Variants in TUBA8 observed in about 807,000 individuals in gnomAD.
TUBA8 encodes the protein tubulin alpha 8, also known as tubulin alpha-8 chain.
Under a neutral mutation model 34.7 loss-of-function variants are expected in TUBA8, and 29 were observed. The ratio of observed to expected loss-of-function variants is 0.84; its 90% CI spans 0.62 to 1.14. TUBA8 has a LOEUF of 1.14. Ranked by LOEUF, TUBA8 falls within the 50% of genes most tolerant of loss-of-function variation. The pLI, the probability that TUBA8 is intolerant of heterozygous loss-of-function variation, is 0.00. For missense variants in TUBA8, 541 were observed against 599.2 expected, an observed-to-expected ratio of 0.90 and a Z score of 1.01; for synonymous variants, 226 against 231.2, an observed-to-expected ratio of 0.98 and a Z score of 0.21.
In TUBA8 at chr22:18,111,128, G is replaced by A; in HGVS notation, c.3+260G>A. The A allele has an allele frequency of 1.7e-6, 1 of 590,092 alleles. No homozygotes were observed. Among genetic ancestry groups the A allele is most frequent in the Non-Finnish European group, 3.0e-6 (1 of 336,252 alleles). The allele number at this position is 590,092 out of a possible 1,614,324, so 36.6% of individuals were successfully genotyped here. A position where few individuals can be genotyped will look rare whatever the true frequency, so the allele number is the denominator to read the frequency against. On this transcript the variant is annotated intron_variant, in intron 1 of 4. Coordinates refer to ENST00000330423, the MANE Select transcript of TUBA8 (RefSeq NM_018943.3). This position sits in a 1 kb window ranked among gnomAD's most constrained non-coding sequence, Gnocchi z 5.1. ...GAGCTTTGCGTGCAGACGAGGGGGAGGGAGGCCCTGGGGAGCCCGACGGAG... is the reference window on the plus strand; with the variant it reads ...GAGCTTTGCGTGCAGACGAGGGGGAAGGAGGCCCTGGGGAGCCCGACGGAG...
In TUBA8 at chr22:18,121,367, C is replaced by T. The variant is rs2234323; in HGVS notation, c.4-112C>T. On this transcript the variant is annotated intron_variant, in intron 1 of 4. Coordinates refer to ENST00000330423, the MANE Select transcript of TUBA8 (RefSeq NM_018943.3). The surrounding 1 kb of genome is among the most constrained non-coding windows in gnomAD (Gnocchi z 4.8). Reference sequence around the variant, plus strand: ...CACCTGCAGCCTCAACGCCAACTGGCAATGGGGGGCTGGGGCCTGGCTGGC... The same window carrying T: ...CACCTGCAGCCTCAACGCCAACTGGTAATGGGGGGCTGGGGCCTGGCTGGC... 0.013 allele frequency: 12,157 copies of T among 928,756 alleles called. 106 individuals are homozygous for T. Among genetic ancestry groups the T allele is most frequent in the Non-Finnish European group, 0.017 (9,813 of 567,948 alleles). 57.5% of individuals were successfully genotyped at this position (928,756 alleles called of 1,614,324 possible). A position where few individuals can be genotyped will look rare whatever the true frequency, so the allele number is the denominator to read the frequency against.
In TUBA8 at chr22:18,121,692, A is replaced by G. The variant is rs1928155354; in HGVS notation, c.217A>G (p.Thr73Ala). The G allele has an allele frequency of 6.2e-7, 1 of 1,613,970 alleles. No individual in the cohort carries two copies. Among genetic ancestry groups the G allele is most frequent in the African/African-American group, 1.3e-5 (1 of 74,918 alleles). ...PRAVMIDLEP[T>A]VVDEVRAGTY... Reference sequence around the variant, plus strand: ...GGCCGTCATGATAGATCTGGAGCCTACTGTAGTGGGTGAGTGGGGGCGGAG... The same window carrying G: ...GGCCGTCATGATAGATCTGGAGCCTGCTGTAGTGGGTGAGTGGGGGCGGAG... Residue 73 changes from threonine (T) to alanine (A), a missense_variant, in exon 2 of 5, where the codon ACT (threonine) becomes GCT (alanine). Coordinates refer to ENST00000330423, the MANE Select transcript of TUBA8 (RefSeq NM_018943.3). The surrounding 1 kb of genome is among the most constrained non-coding windows in gnomAD (Gnocchi z 4.8).
intron 4 of TUBA8, chr22:18,129,524 C>G (rs1265391531): frequency 6.6e-6 from 1 of 152,276 alleles, no homozygotes; most frequent in East Asian, 1.9e-4. Context: ...TGGCAGTCGG[C>G]TCAGTTCTAG....
rs1438813852 is a variant in TUBA8 at position 18,119,104 on chromosome 22, A to C, written c.4-2375A>C. On this transcript the variant is annotated intron_variant, in intron 1 of 4. Transcript: ENST00000330423. This position sits in a 1 kb window ranked among gnomAD's most constrained non-coding sequence, Gnocchi z 5.9. ...AGGACCACAGAGGACACTGTCACTT[A>C]GAAGGAAAATACATAGGATCAGGCC... 1 of 152,272 alleles carries C rather than the reference A, an allele frequency of 6.6e-6. No homozygotes were observed. Among genetic ancestry groups the C allele is most frequent in the African/African-American group, 2.4e-5 (1 of 41,438 alleles). The allele number at this position is 152,272 out of a possible 1,614,324, so 9.4% of individuals were successfully genotyped here. A position where few individuals can be genotyped will look rare whatever the true frequency, so the allele number is the denominator to read the frequency against.
At chr22:18,129,680 C>T (rs915463321) in intron 4 of TUBA8, 6 of 152,166 alleles carry the variant, frequency 3.9e-5, no homozygotes, top group Non-Finnish European at 7.3e-5. Context: ...GCCTGGCTAC[C>T]CATGTTGCCA....
At position 18,126,066 on chromosome 22, in the gene TUBA8, T is replaced by C. The variant is rs1007817958; in HGVS notation, c.376-288T>C. 6 of 460,570 alleles carry C rather than the reference T, an allele frequency of 1.3e-5. No individual in the cohort carries two copies. Among genetic ancestry groups the C allele is most frequent in the Non-Finnish European group, 2.4e-5 (6 of 253,060 alleles). 28.5% of individuals were successfully genotyped at this position (460,570 alleles called of 1,614,324 possible). ...TTTGTAGATGCGAGGTCTCACTATG[T>C]TGCCCATGCTGGTTGTGAACTCCTG... On this transcript the variant is annotated intron_variant, in intron 3 of 4. Coordinates refer to ENST00000330423, the MANE Select transcript of TUBA8 (RefSeq NM_018943.3). This position sits in a 1 kb window ranked among gnomAD's most constrained non-coding sequence, Gnocchi z 4.0.
Position 18,121,432 on chromosome 22 carries a change from G to T in TUBA8, c.4-47G>T. 13 of 1,554,924 alleles carry T rather than the reference G, an allele frequency of 8.4e-6. No homozygotes were observed. The highest frequency in any genetic ancestry group is 1.2e-5 in the Non-Finnish European group (13 of 1,126,070). ...TTATGGGGATGTAGGGCAAAGGCATGCTGGGGGCCCAGACTCTCTGACCTC... is the reference window on the plus strand; with the variant it reads ...TTATGGGGATGTAGGGCAAAGGCATTCTGGGGGCCCAGACTCTCTGACCTC... On this transcript the variant is annotated intron_variant, in intron 1 of 4. Transcript: ENST00000330423. The surrounding 1 kb of genome is among the most constrained non-coding windows in gnomAD (Gnocchi z 4.8).
chr22:18,112,106 C>T (rs1927831427), intron 1 of TUBA8: 1 of 152,166 alleles, frequency 6.6e-6, no homozygotes, highest in African/African-American at 2.4e-5. Flanking sequence ...AATTTTGACT[C>T]CTGGCTCTGC....
At chr22:18,114,469 GCTATCTATT>G (rs1273923564) in intron 1 of TUBA8, 3 of 152,196 alleles carry the variant, frequency 2.0e-5, no homozygotes, top group African/African-American at 7.2e-5. Flanking sequence ...TGTCTGGCTT[GCTATCTATT>G]CTTTGTTATG....
chr22:18,121,534 G>C lies in TUBA8; in HGVS notation c.59G>C (p.Cys20Ser). 1 of 1,614,248 alleles carries C rather than the reference G, an allele frequency of 6.2e-7. No individual in the cohort carries two copies. The highest frequency in any genetic ancestry group is 8.5e-7 in the Non-Finnish European group (1 of 1,180,050). Residue 20 changes from cysteine (C) to serine (S), a missense_variant, in exon 2 of 5, where the codon TGC becomes TCC. Physicochemically the swap from Cys to Ser is moderately radical, Grantham distance 112 (BLOSUM62 -1). Transcript: ENST00000330423. The surrounding 1 kb of genome is among the most constrained non-coding windows in gnomAD (Gnocchi z 4.8). ...GCGGGAGTTCAGATTGGCAATGCCT[G>C]CTGGGAGCTCTTCTGCCTGGAACAC... Reference protein sequence around the residue: ...GQAGVQIGNACWELFCLEHGI... With the variant: ...GQAGVQIGNASWELFCLEHGI...
In TUBA8 at chr22:18,131,246, C is replaced by T. The variant is rs1469661795; in HGVS notation, c.*110C>T. On this transcript the variant is annotated 3_prime_UTR_variant, in exon 5 of 5. Coordinates refer to ENST00000330423, the MANE Select transcript of TUBA8 (RefSeq NM_018943.3). The surrounding 1 kb of genome is among the most constrained non-coding windows in gnomAD (Gnocchi z 5.3). ...GCCCCAGCCTGATTCCTGCCTTACC[C>T]AGGAGGAGGGTGCCTGGCCCCAGTA... 7.8e-7 allele frequency: 1 copy of T among 1,286,484 alleles called. No homozygotes were observed. Among genetic ancestry groups the T allele is most frequent in the Non-Finnish European group, 1.1e-6 (1 of 908,524 alleles). The allele number at this position is 1,286,484 out of a possible 1,614,324, so 79.7% of individuals were successfully genotyped here.
In TUBA8 at chr22:18,124,493, G is replaced by T; in HGVS notation, c.375+189G>T. On this transcript the variant is annotated intron_variant, in intron 3 of 4. Coordinates refer to ENST00000330423, the MANE Select transcript of TUBA8 (RefSeq NM_018943.3). This position sits in a 1 kb window ranked among gnomAD's most constrained non-coding sequence, Gnocchi z 4.3. ...GGGTGATGCCCCTTCCTCTGTGTTG[G>T]CATCATAGACTGTGTTCCAGGCTGA... The T allele has an allele frequency of 1.5e-6, 1 of 650,742 alleles. No individual in the cohort carries two copies. The highest frequency in any genetic ancestry group is 2.6e-6 in the Non-Finnish European group (1 of 388,778). The allele number at this position is 650,742 out of a possible 1,614,324, so 40.3% of individuals were successfully genotyped here. A position where few individuals can be genotyped will look rare whatever the true frequency, so the allele number is the denominator to read the frequency against.
chr22:18,130,672 C>T, intron 4 of TUBA8, 171 bp from the exon 5 acceptor site: 2 of 767,608 alleles, frequency 2.6e-6, no homozygotes, highest in South Asian at 1.7e-5. Flanking sequence ...TCTCCCTTGC[C>T]ACCTGCTGGC....
chr22:18,121,576 G>A lies in TUBA8; in HGVS notation c.101G>A (p.Gly34Asp). ...CTGGAACACGGCATCCAGGCAGACG[G>A]CACTTTTGATGCTCAAGCTAGCAAG... ...FCLEHGIQAD[G>D]TFDAQASKIN... The change falls in exon 2 of 5, where the codon GGC becomes GAC. Residue 34 changes from glycine (G) to aspartate (D), a missense_variant. By Grantham distance (94) the Gly-to-Asp change is moderately conservative. Coordinates refer to ENST00000330423, the MANE Select transcript of TUBA8 (RefSeq NM_018943.3). This position sits in a 1 kb window ranked among gnomAD's most constrained non-coding sequence, Gnocchi z 4.8. 1 of 1,614,182 alleles carries A rather than the reference G, an allele frequency of 6.2e-7. No individual in the cohort carries two copies. Among genetic ancestry groups the A allele is most frequent in the Non-Finnish European group, 8.5e-7 (1 of 1,180,040 alleles).
chr22:18,121,837 A>G lies in TUBA8; in HGVS notation c.226+136A>G. On this transcript the variant is annotated intron_variant, in intron 2 of 4. Coordinates refer to ENST00000330423, the MANE Select transcript of TUBA8 (RefSeq NM_018943.3). This position sits in a 1 kb window ranked among gnomAD's most constrained non-coding sequence, Gnocchi z 4.8. ...ACCGCAGCCTCCCACCCCACGTGAC[A>G]TCTGTCAGCTCCTTGGGGTCCCCAC... 1 of 780,002 alleles carries G rather than the reference A, an allele frequency of 1.3e-6. No individual in the cohort carries two copies. The highest frequency in any genetic ancestry group is 2.1e-6 in the Non-Finnish European group (1 of 475,658). 48.3% of individuals were successfully genotyped at this position (780,002 alleles called of 1,614,324 possible). A position where few individuals can be genotyped will look rare whatever the true frequency, so the allele number is the denominator to read the frequency against.
At chr22:18,130,588 TA>T (rs1189110947) in intron 4 of TUBA8, 3 of 516,034 alleles carry the variant, frequency 5.8e-6, no homozygotes, top group East Asian at 6.9e-5. Flanking sequence ...CGGGCCTGGC[TA>T]ATTTTTTTTT....
intron 3 of TUBA8, chr22:18,125,880 G>T: frequency 5.5e-6 from 1 of 181,860 alleles, no homozygotes; most frequent in Non-Finnish European, 1.2e-5. Flanking sequence ...AAAAAAAATA[G>T]AGACAGAGAC....
Position 18,131,621 on chromosome 22 carries a change from TTCCAATAC to T in TUBA8, c.*486_*493del. The T allele has an allele frequency of 3.8e-5, 8 of 209,354 alleles. No individual in the cohort carries two copies. Among genetic ancestry groups the T allele is most frequent in the South Asian group, 2.6e-4 (3 of 11,698 alleles). 13.0% of individuals were successfully genotyped at this position (209,354 alleles called of 1,614,324 possible). On this transcript the variant is annotated 3_prime_UTR_variant, in exon 5 of 5. Transcript: ENST00000330423. The surrounding 1 kb of genome is among the most constrained non-coding windows in gnomAD (Gnocchi z 5.3). The stretch of plus-strand genomic sequence containing the variant: ...CATGCATTCACTCCCCCATCACATA[TTCCAATAC>T]ACACCCTGTCCTAGGCACTGAGAGC...
intron 1 of TUBA8, chr22:18,115,107 G>A (rs540808854): frequency 6.6e-6 from 1 of 152,280 alleles, no homozygotes; most frequent in South Asian, 2.1e-4. Context: ...ACAGGGCAGT[G>A]GCTCCCCAGG....
Sources: gnomAD v4.1 joint callset for allele counts on GRCh38, gnomAD v4.1.1 for gene constraint, Gnocchi (gnomAD v3.1) non-coding constraint, MANE v1.5 for transcripts, NCBI Gene and HGNC (gene_info 2026-07-23, HGNC 2026-07-21) for gene names.